The following GALNT10 variants were observed in gnomAD, a reference collection of about 807,000 sequenced individuals.
GALNT10 encodes the protein GalNAc transferase 10.
Under a neutral mutation model 75.0 loss-of-function variants are expected in GALNT10, and 41 were observed. The observed-to-expected ratio is 0.55, with a 90% CI of 0.43 to 0.71. GALNT10 has a LOEUF of 0.71. GALNT10 is among the 30% of genes least tolerant of loss of function. The probability of loss-of-function intolerance (pLI) is 0.00; values close to 1 mark genes in which losing one functional copy is unlikely to be tolerated. For synonymous variants in GALNT10, 302 were observed against 313.0 expected, an observed-to-expected ratio of 0.96 and a Z score of 0.37; for missense variants, 727 against 818.5, an observed-to-expected ratio of 0.89 and a Z score of 1.36.
intron 1 of GALNT10, among the ~76,000 whole-genome samples, chr5:154,201,505 G>T (rs776966254): frequency 9.9e-5 from 15 of 152,146 alleles, no homozygotes; most frequent in Non-Finnish European, 1.8e-4. Flanking sequence ...CTCAGCTCAA[G>T]AAACCATTTG....
At chr5:154,399,947 A>C (rs1756123416) in intron 7 of GALNT10, among the ~76,000 whole-genome samples, 2 of 152,100 alleles carry the variant, frequency 1.3e-5, no homozygotes, top group African/African-American at 4.8e-5. Flanking sequence ...GTTCAAGACC[A>C]GTGTGGGCAA....
intron 3 of GALNT10, among the ~76,000 whole-genome samples, chr5:154,311,830 C>G (rs756725355): frequency 6.6e-6 from 1 of 152,072 alleles, no homozygotes; most frequent in African/African-American, 2.4e-5. Context: ...AGGCTGGTCT[C>G]AAACTCCTGG....
At position 154,352,932 on chromosome 5, in the gene GALNT10, G is replaced by T. The variant is rs867225567; in HGVS notation, c.568+23194G>T. 1.3e-5 allele frequency among the ~76,000 whole-genome samples: 2 copies of T among 152,282 alleles called. No homozygotes were observed. The highest frequency in any genetic ancestry group is 6.8e-3 in the Middle Eastern group (2 of 294). On this transcript the variant is annotated intron_variant, in intron 4 of 11. Transcript: ENST00000297107. The surrounding 1 kb of genome is among the most constrained non-coding windows in gnomAD (Gnocchi z 4.4). ...TTTACATAGAATGCAATTTCCTTCTGTCTCAAGCTCTGTGTCATCCGAAGG... is the reference window on the plus strand; with the variant it reads ...TTTACATAGAATGCAATTTCCTTCTTTCTCAAGCTCTGTGTCATCCGAAGG...
chr5:154,343,073 T>G (rs1470256576), intron 4 of GALNT10, among the ~76,000 whole-genome samples: 4 of 151,802 alleles, frequency 2.6e-5, no homozygotes, highest in Non-Finnish European at 5.9e-5. Context: ...TGCATAAGAA[T>G]CACCTGGGAA....
intron 1 of GALNT10, among the ~76,000 whole-genome samples, chr5:154,215,191 G>A (rs1334648624): frequency 6.6e-6 from 1 of 152,162 alleles, no homozygotes; most frequent in African/African-American, 2.4e-5. Flanking sequence ...GCCTTCAAAG[G>A]TGTTATCTAG....
chr5:154,243,923 T>C (rs1171040793), intron 1 of GALNT10, among the ~76,000 whole-genome samples: 2 of 152,226 alleles, frequency 1.3e-5, no homozygotes, highest in Non-Finnish European at 2.9e-5. Flanking sequence ...ATGTTAGTGC[T>C]TTAAAGGGTG....
At chr5:154,295,486 C>T (rs1385758584) in intron 2 of GALNT10, among the ~76,000 whole-genome samples, 1 of 152,180 alleles carries the variant, frequency 6.6e-6, no homozygotes, top group Admixed American at 6.5e-5. Flanking sequence ...GGAGGGAGGG[C>T]AGAGTTGATT....
At chr5:154,214,703 G>T (rs968435192) in intron 1 of GALNT10, among the ~76,000 whole-genome samples, 3 of 152,160 alleles carry the variant, frequency 2.0e-5, no homozygotes, top group African/African-American at 7.2e-5. Context: ...AAGGGATTCA[G>T]TCAGCTACCT....
chr5:154,398,572 G>A (rs1020190274), intron 7 of GALNT10, among the ~76,000 whole-genome samples: 1 of 152,144 alleles, frequency 6.6e-6, no homozygotes, highest in Admixed American at 6.5e-5. Flanking sequence ...GGAAGTAGTG[G>A]GGGACAAAGG....
intron 4 of GALNT10, among the ~76,000 whole-genome samples, chr5:154,373,987 T>C (rs1392208086): frequency 1.3e-5 from 2 of 152,192 alleles, no homozygotes; most frequent in Non-Finnish European, 2.9e-5. Flanking sequence ...TATCTCATTC[T>C]CGTTGTAATG....
At chr5:154,358,940 C>T in intron 4 of GALNT10, among the ~76,000 whole-genome samples, 1 of 152,160 alleles carries the variant, frequency 6.6e-6, no homozygotes, top group East Asian at 1.9e-4. Context: ...AATATGCCTT[C>T]GTCAGAGTGT....
chr5:154,404,804 C>A (rs1356940198), intron 8 of GALNT10, among the ~76,000 whole-genome samples: 1 of 152,154 alleles, frequency 6.6e-6, no homozygotes, highest in African/African-American at 2.4e-5. Context: ...ATGTCAGTGT[C>A]TTTCTCTTCT....
chr5:154,319,032 G>A (rs989761203), intron 3 of GALNT10, among the ~76,000 whole-genome samples: 2 of 152,230 alleles, frequency 1.3e-5, no homozygotes, highest in African/African-American at 4.8e-5. Flanking sequence ...ATTGATTCAA[G>A]AGGGCCTCAA....
At chr5:154,274,048 A>G (rs1753912148) in intron 1 of GALNT10, among the ~76,000 whole-genome samples, 1 of 152,218 alleles carries the variant, frequency 6.6e-6, no homozygotes, top group Non-Finnish European at 1.5e-5. Context: ...TAGCAAAGAA[A>G]GCTAGGGCAT....
At chr5:154,307,639 A>G (rs1754454801) in intron 3 of GALNT10, among the ~76,000 whole-genome samples, 2 of 145,544 alleles carry the variant, frequency 1.4e-5, no homozygotes, top group African/African-American at 5.2e-5. Flanking sequence ...AAAAAAAAGA[A>G]ATAATTCTAT....
intron 1 of GALNT10, among the ~76,000 whole-genome samples, chr5:154,276,523 A>G (rs1441449890): frequency 6.6e-6 from 1 of 152,192 alleles, no homozygotes; most frequent in Non-Finnish European, 1.5e-5. Flanking sequence ...GTGATATCTC[A>G]TCATATTCAC....
At chr5:154,274,676 A>G (rs1042860053) in intron 1 of GALNT10, among the ~76,000 whole-genome samples, 7 of 152,188 alleles carry the variant, frequency 4.6e-5, no homozygotes, top group African/African-American at 1.7e-4. Flanking sequence ...CAGGTACTCA[A>G]CCAGCTCAGG....
At chr5:154,214,835 A>G (rs1428343964) in intron 1 of GALNT10, among the ~76,000 whole-genome samples, 2 of 152,214 alleles carry the variant, frequency 1.3e-5, no homozygotes, top group African/African-American at 2.4e-5. Context: ...GGAAACCTAG[A>G]GCTGTCAGCA....
intron 1 of GALNT10, among the ~76,000 whole-genome samples, chr5:154,269,611 G>A (rs1418531523): frequency 6.6e-6 from 1 of 152,230 alleles, no homozygotes; most frequent in Admixed American, 6.5e-5. Flanking sequence ...CGTGGCTGGG[G>A]CCAGTGGACT....
Sources: gnomAD v4.1 joint callset for allele counts (sites outside exome capture counted in the v4.1 genomes callset) on GRCh38, gnomAD v4.1.1 for gene constraint, Gnocchi (gnomAD v3.1) non-coding constraint, MANE v1.5 for transcripts, NCBI Gene and HGNC (gene_info 2026-07-23, HGNC 2026-07-21) for gene names.